The following CRKL variants were observed in gnomAD, a reference collection of about 807,000 sequenced individuals.
The protein encoded by CRKL is CRK like proto-oncogene, adaptor protein.
A neutral mutation model predicts 23.0 loss-of-function variants in CRKL; 3 were observed. The observed-to-expected ratio is 0.13, with a 90% confidence interval of 0.06 to 0.34. The LOEUF is 0.34. Ranked by LOEUF, CRKL falls within the 10% of genes least tolerant of loss-of-function variation. The pLI, the probability that CRKL is intolerant of heterozygous loss-of-function variation, is 1.00. For missense variants in CRKL, 256 were observed against 394.5 expected, an observed-to-expected ratio of 0.65 and a Z score of 2.97; for synonymous variants, 188 against 160.7, an observed-to-expected ratio of 1.17 and a Z score of -1.28.
intron 1 of CRKL, among the ~76,000 whole-genome samples, chr22:20,924,813 CTGGGCGACAG>C (rs1179029470): frequency 6.6e-6 from 1 of 152,186 alleles, no homozygotes; most frequent in Non-Finnish European, 1.5e-5. Flanking sequence ...GGACTCCATC[CTGGGCGACAG>C]AGTGAGACTC....
chr22:20,918,657 T>C (rs1232425600), intron 1 of CRKL, among the ~76,000 whole-genome samples: 1 of 150,438 alleles, frequency 6.6e-6, no homozygotes, highest in African/African-American at 2.5e-5. Flanking sequence ...AGTGGTGCGA[T>C]CTCGGCTCAC....
intron 2 of CRKL, among the ~76,000 whole-genome samples, chr22:20,939,736 GTTGGTTTGGTTT>G (rs1453144977): frequency 6.6e-6 from 1 of 150,454 alleles, no homozygotes; most frequent in Non-Finnish European, 1.5e-5. Flanking sequence ...TAGTTTTGTT[GTTGGTTTGGTTT>G]TTATTGGTCT....
chr22:20,939,323 C>G (rs1921779319), intron 2 of CRKL, among the ~76,000 whole-genome samples: 1 of 150,012 alleles, frequency 6.7e-6, no homozygotes, highest in African/African-American at 2.5e-5. Context: ...TCACTGCAAG[C>G]TCCGCCTCCC....
At chr22:20,928,812 CAAAAAAAAAAAA>C (rs57896414) in intron 1 of CRKL, among the ~76,000 whole-genome samples, 2 of 81,576 alleles carry the variant, frequency 2.5e-5, no homozygotes, top group African/African-American at 9.6e-5. Context: ...GATCCCATCT[CAAAAAAAAAAAA>C]AAAAAAAAAA....
Position 20,952,557 on chromosome 22 carries a change from T to C in CRKL, c.*2712T>C, listed in dbSNP as rs1038883331. 6.0e-5 allele frequency: 14 copies of C among 232,494 alleles called. No homozygotes were observed. The highest frequency in any genetic ancestry group is 2.9e-4 in the African/African-American group (13 of 45,302). The allele number at this position is 232,494 out of a possible 1,614,324, so 14.4% of individuals were successfully genotyped here. The stretch of plus-strand genomic sequence containing the variant: ...CACACTAAACATATGAATGCAGCAC[T>C]GCTGCCTCAGCTCAGCTTCGTGCCT... On this transcript the variant is annotated 3_prime_UTR_variant, in exon 3 of 3. Transcript: ENST00000354336.
intron 2 of CRKL, among the ~76,000 whole-genome samples, chr22:20,937,390 C>T (rs191748490): frequency 1.1e-4 from 17 of 150,844 alleles, no homozygotes; most frequent in African/African-American, 3.7e-4. Context: ...CCTTGAAAGT[C>T]GAGGCTCCCA....
chr22:20,933,045 A>T (rs907811981), intron 1 of CRKL, among the ~76,000 whole-genome samples: 17 of 151,136 alleles, frequency 1.1e-4, no homozygotes, highest in African/African-American at 4.1e-4. Context: ...GCGCTACTGC[A>T]CTCCAGCCTG....
In CRKL at chr22:20,953,047, G is replaced by A. The variant is rs1210665304; in HGVS notation, c.*3202G>A. 2 of 232,300 alleles carry A rather than the reference G, an allele frequency of 8.6e-6. No homozygotes were observed. Among genetic ancestry groups the A allele is most frequent in the African/African-American group, 4.4e-5 (2 of 45,256 alleles). 14.4% of individuals were successfully genotyped at this position (232,300 alleles called of 1,614,324 possible). Reference sequence around the variant, plus strand: ...TTACAGACAAGGCAGGCCTGAGGCAGATGGCCACTGCTCTTGTGATGTTTG... The same window carrying A: ...TTACAGACAAGGCAGGCCTGAGGCAAATGGCCACTGCTCTTGTGATGTTTG... On this transcript the variant is annotated 3_prime_UTR_variant, in exon 3 of 3. Transcript: ENST00000354336.
At position 20,934,023 on chromosome 22, in the gene CRKL, C is replaced by G. The variant is rs147576993; in HGVS notation, c.556C>G (p.Pro186Ala). 1 of 1,614,176 alleles carries G rather than the reference C, an allele frequency of 6.2e-7. No homozygotes were observed. Among genetic ancestry groups the G allele is most frequent in the Admixed American group, 1.7e-5 (1 of 60,020 alleles). Residue 186 changes from proline (P) to alanine (A), a missense_variant, in exon 2 of 3, where the codon CCA becomes GCA. Around this residue, in one of 3 missense-constraint regions of CRKL, gnomAD observed 129 missense variants for 222.1 expected, o/e 0.58. Transcript: ENST00000354336. The stretch of plus-strand genomic sequence containing the variant: ...TGTCGAAAAGCTTGTGAGATCCTCA[C>G]CACACGGAAAGCATGGAAATAGGAA... ...PYVEKLVRSS[P>A]HGKHGNRNSN...
chr22:20,922,452 C>T (rs1416975347), intron 1 of CRKL, among the ~76,000 whole-genome samples: 1 of 151,954 alleles, frequency 6.6e-6, no homozygotes, highest in Non-Finnish European at 1.5e-5. Context: ...AGAGGAGTGA[C>T]CTGGGGCTGT....
chr22:20,937,430 CT>C (rs1921705655), intron 2 of CRKL, among the ~76,000 whole-genome samples: 1 of 149,252 alleles, frequency 6.7e-6, no homozygotes, highest in Admixed American at 6.8e-5. Context: ...GCCTGTTGAC[CT>C]CTGGCTCTAG....
rs373452482 is a variant in CRKL, at chr22:20,922,664, A to G, written c.311+4419A>G. Among the ~76,000 whole-genome samples the G allele has an allele frequency of 8.5e-5, 13 of 152,080 alleles. No individual in the cohort carries two copies. In the East Asian group the frequency reaches 9.6e-4, roughly 11 times the overall value. On this transcript the variant is annotated intron_variant, in intron 1 of 2. Coordinates refer to ENST00000354336, the MANE Select transcript of CRKL (RefSeq NM_005207.4). Reference sequence around the variant, plus strand: ...TGCTTTTTGTATTTGTGGTATTCCTATGGTGGATTTTATTTTATTTATTTT... The same window carrying G: ...TGCTTTTTGTATTTGTGGTATTCCTGTGGTGGATTTTATTTTATTTATTTT...
At position 20,951,791 on chromosome 22, in the gene CRKL, G is replaced by A; in HGVS notation, c.*1946G>A. The A allele has an allele frequency of 4.5e-6, 1 of 220,786 alleles. No individual in the cohort carries two copies. Among genetic ancestry groups the A allele is most frequent in the Non-Finnish European group, 9.1e-6 (1 of 110,288 alleles). 13.7% of individuals were successfully genotyped at this position (220,786 alleles called of 1,614,324 possible). The stretch of plus-strand genomic sequence containing the variant: ...TGCTGTATTCATGAATCTTGAGAGT[G>A]TTCCTGAGACAGAATTAATGGTCAT... On this transcript the variant is annotated 3_prime_UTR_variant, in exon 3 of 3. Transcript: ENST00000354336.
chr22:20,927,543 T>A (rs1489436743), intron 1 of CRKL, among the ~76,000 whole-genome samples: 1 of 146,264 alleles, frequency 6.8e-6, no homozygotes, highest in African/African-American at 2.5e-5. Context: ...CTGTGAAATA[T>A]TTCATACATA....
At chr22:20,928,719 G>A (rs1921321513) in intron 1 of CRKL, among the ~76,000 whole-genome samples, 1 of 150,854 alleles carries the variant, frequency 6.6e-6, no homozygotes, top group African/African-American at 2.4e-5. Context: ...AGGCTGAGGT[G>A]GGAGGATCGC....
chr22:20,921,560 A>T (rs1268334704), intron 1 of CRKL, among the ~76,000 whole-genome samples: 1 of 121,046 alleles, frequency 8.3e-6, no homozygotes. Flanking sequence ...GAAAGCATGA[A>T]GCTAAGACCT....
At chr22:20,935,954 A>T (rs543555752) in intron 2 of CRKL, among the ~76,000 whole-genome samples, 103 of 152,240 alleles carry the variant, frequency 6.8e-4, no homozygotes, top group African/African-American at 2.5e-3. Context: ...CTGGAGTTTG[A>T]GACCAGTCTG....
intron 1 of CRKL, among the ~76,000 whole-genome samples, chr22:20,922,736 A>G (rs1036360230): frequency 1.1e-4 from 16 of 152,000 alleles, no homozygotes; most frequent in African/African-American, 2.7e-4. Flanking sequence ...GTGAAGTGGC[A>G]TAATCTGGGC....
chr22:20,929,884 G>A (rs1921376849), intron 1 of CRKL, among the ~76,000 whole-genome samples: 2 of 152,322 alleles, frequency 1.3e-5, no homozygotes, highest in Admixed American at 6.5e-5. Context: ...AGACAGTGGG[G>A]TCTAATGGAA....
Sources: gnomAD v4.1 joint callset for allele counts (sites outside exome capture counted in the v4.1 genomes callset) on GRCh38, gnomAD v4.1.1 for gene constraint, gnomAD v4.1.1 regional missense constraint, MANE v1.5 for transcripts, NCBI Gene and HGNC (gene_info 2026-07-23, HGNC 2026-07-21) for gene names.